ROR2: variants seen among roughly 807,000 people sequenced by gnomAD.
The protein encoded by ROR2 is tyrosine-protein kinase transmembrane receptor ROR2.
ROR2 carries 33 observed loss-of-function variants against 74.9 expected under a neutral mutation model. The ratio of observed to expected loss-of-function variants is 0.44; its 90% CI spans 0.33 to 0.59. The LOEUF (loss-of-function observed/expected upper bound fraction) is 0.59. ROR2 is among the 20% of genes least tolerant of loss of function. The probability of loss-of-function intolerance (pLI) is 0.02; values close to 1 mark genes in which losing one functional copy is unlikely to be tolerated. For missense variants in ROR2, 1,216 were observed against 1,313.8 expected, an observed-to-expected ratio of 0.93 and a Z score of 1.15; for synonymous variants, 586 against 558.7, an observed-to-expected ratio of 1.05 and a Z score of -0.69.
chr9:91,870,500 C>A (rs1237119875), intron 1 of ROR2, among the ~76,000 whole-genome samples: 1 of 152,206 alleles, frequency 6.6e-6, no homozygotes, highest in African/African-American at 2.4e-5. Flanking sequence ...AAATGAATGT[C>A]TAATTCACCA....
chr9:91,775,654 G>A (rs188429767), intron 2 of ROR2, 87 bp downstream of exon 2: 199 of 1,273,876 alleles, frequency 1.6e-4, no homozygotes, highest in Admixed American at 1.6e-3. Flanking sequence ...GACCCCCAGC[G>A]CCTTCCTTCA....
At chr9:91,747,175 G>A (rs367755695) in intron 4 of ROR2, among the ~76,000 whole-genome samples, 1 of 152,156 alleles carries the variant, frequency 6.6e-6, no homozygotes, top group South Asian at 2.1e-4. Flanking sequence ...TGGATAACCC[G>A]GGCCTCGGAA....
intron 1 of ROR2, among the ~76,000 whole-genome samples, chr9:91,865,609 T>C (rs941454860): frequency 4.6e-5 from 7 of 152,222 alleles, no homozygotes; most frequent in African/African-American, 1.7e-4. Context: ...GTCATTCCTT[T>C]AAAAAGGGCC....
intron 1 of ROR2, among the ~76,000 whole-genome samples, chr9:91,925,751 T>G (rs1831380125): frequency 6.6e-6 from 1 of 152,110 alleles, no homozygotes; most frequent in Admixed American, 6.5e-5. Context: ...AGAAGAAAAC[T>G]CGCTCACTCT....
chr9:91,892,369 G>A (rs139096187), intron 1 of ROR2, among the ~76,000 whole-genome samples: 1 of 152,232 alleles, frequency 6.6e-6, no homozygotes, highest in Non-Finnish European at 1.5e-5. Flanking sequence ...CCAGTTCCTG[G>A]CACCCTGGCT....
chr9:91,941,334 G>A (rs926094136), intron 1 of ROR2, among the ~76,000 whole-genome samples: 4 of 152,150 alleles, frequency 2.6e-5, no homozygotes, highest in South Asian at 2.1e-4. Flanking sequence ...CCTTTACAGA[G>A]AAGTTACAAG....
chr9:91,725,822 G>A (rs757258340), intron 8 of ROR2, among the ~76,000 whole-genome samples: 14 of 152,062 alleles, frequency 9.2e-5, no homozygotes, highest in Non-Finnish European at 1.3e-4. Flanking sequence ...TGCAAGCCCC[G>A]GGGCTCTGTG....
intron 1 of ROR2, among the ~76,000 whole-genome samples, chr9:91,840,927 A>G (rs1828764376): frequency 6.6e-6 from 1 of 152,240 alleles, no homozygotes; most frequent in South Asian, 2.1e-4. Flanking sequence ...ACCATTATAG[A>G]TGTGTGGTCA....
chr9:91,925,453 G>A (rs1831371376), intron 1 of ROR2, among the ~76,000 whole-genome samples: 1 of 143,604 alleles, frequency 7.0e-6, no homozygotes, highest in South Asian at 2.2e-4. Flanking sequence ...TGACAATGCT[G>A]TCAGCTGCCT....
chr9:91,921,502 C>A (rs1159785203), intron 1 of ROR2, among the ~76,000 whole-genome samples: 1 of 152,178 alleles, frequency 6.6e-6, no homozygotes, highest in Non-Finnish European at 1.5e-5. Flanking sequence ...CAGACCAAGC[C>A]GCAGGCCTCT....
chr9:91,764,313 T>A (rs1564260039), intron 2 of ROR2, among the ~76,000 whole-genome samples: 1 of 152,242 alleles, frequency 6.6e-6, no homozygotes, highest in East Asian at 1.9e-4. Flanking sequence ...ATAACTCTTA[T>A]AAGTGGCATA....
chr9:91,872,750 T>C (rs113530831), intron 1 of ROR2, among the ~76,000 whole-genome samples: 32 of 152,302 alleles, frequency 2.1e-4, no homozygotes, highest in African/African-American at 7.5e-4. Context: ...AGCTCTTCAG[T>C]AGAAATGAGG....
intron 1 of ROR2, among the ~76,000 whole-genome samples, chr9:91,936,222 G>A (rs1203740023): frequency 2.0e-5 from 3 of 152,202 alleles, no homozygotes; most frequent in Non-Finnish European, 4.4e-5. Context: ...GGGTGGATGC[G>A]TGTGTTAGCC....
At chr9:91,774,408 T>G (rs1202689403) in intron 2 of ROR2, among the ~76,000 whole-genome samples, 1 of 152,180 alleles carries the variant, frequency 6.6e-6, no homozygotes, top group Non-Finnish European at 1.5e-5. Flanking sequence ...TGAGCAGTGG[T>G]GCCCCCCAAA....
intron 4 of ROR2, among the ~76,000 whole-genome samples, chr9:91,739,772 G>A (rs1322188518): frequency 1.3e-5 from 2 of 152,154 alleles, no homozygotes; most frequent in Admixed American, 6.5e-5. Context: ...GTTTAAATAG[G>A]CAGCACATGT....
At chr9:91,894,225 C>A (rs1830486301) in intron 1 of ROR2, among the ~76,000 whole-genome samples, 1 of 152,222 alleles carries the variant, frequency 6.6e-6, no homozygotes, top group African/African-American at 2.4e-5. Flanking sequence ...ACTGGCCACT[C>A]CCTCTACCAA....
Position 91,731,121 on chromosome 9 carries a change from G to A in ROR2, c.972C>T (p.Tyr324=). The change falls in exon 7 of 9, where the codon TAC becomes TAT. Residue 324 remains tyrosine (Y), a synonymous_variant. Transcript: ENST00000375708. ...HQCYNGSGMD[Y]RGTASTTKSG... ...ACTTGGTGGTGCTTGCCGTTCCTCT[G>A]TAATCCATGCCTGAGCCGTTATAGC... The A allele has an allele frequency of 6.2e-7, 1 of 1,614,078 alleles. No homozygotes were observed. The highest frequency in any genetic ancestry group is 2.2e-5 in the East Asian group (1 of 44,874).
In ROR2 at chr9:91,723,336, C is replaced by T. The variant is rs1052124160; in HGVS notation, c.*326G>A. 39 of 334,348 alleles carry T rather than the reference C, an allele frequency of 1.2e-4. No individual in the cohort carries two copies. The highest frequency in any genetic ancestry group is 8.1e-4 in the African/African-American group (39 of 47,876). 20.7% of individuals were successfully genotyped at this position (334,348 alleles called of 1,614,324 possible). On this transcript the variant is annotated 3_prime_UTR_variant, in exon 9 of 9. Transcript: ENST00000375708. ...CCATATATGACATGGAGTGAAGCTG[C>T]CACCTATTTTCTTGAAAGGCATTTG...
Position 91,803,174 on chromosome 9 carries a change from G to A in ROR2, c.98-27356C>T, listed in dbSNP as rs1019175110. Among the ~76,000 whole-genome samples the A allele has an allele frequency of 2.0e-5, 3 of 152,148 alleles. No individual in the cohort carries two copies. The East Asian group carries it at 5.8e-4, about 29-fold the overall frequency. ...GAGGCAACCCAAGTGCCCTCAGGTC[G>A]GATGAAGAGATAAACAAATGTGGTA... On this transcript the variant is annotated intron_variant, in intron 1 of 8. Coordinates refer to ENST00000375708, the MANE Select transcript of ROR2 (RefSeq NM_004560.4).
Sources: allele counts gnomAD v4.1 joint callset (sites outside exome capture counted in the v4.1 genomes callset), GRCh38; gene constraint gnomAD v4.1.1; transcripts MANE v1.5; gene names NCBI Gene and HGNC (gene_info 2026-07-23, HGNC 2026-07-21).